The following SLC25A18 variants were observed in gnomAD, a reference collection of about 807,000 sequenced individuals.
SLC25A18 encodes the protein solute carrier family 25 member 18.
A neutral mutation model predicts 31.1 loss-of-function variants in SLC25A18; 24 were observed. The ratio of observed to expected loss-of-function variants is 0.77; its 90% CI spans 0.56 to 1.08. The LOEUF (loss-of-function observed/expected upper bound fraction) is 1.08, where lower values mean the gene tolerates loss of function less well. Among genes scored for constraint, SLC25A18 ranks in the 50% least tolerant of loss-of-function variants. The pLI is 0.00. For synonymous variants in SLC25A18, 173 were observed against 161.9 expected, an observed-to-expected ratio of 1.07 and a Z score of -0.52; for missense variants, 371 against 418.5, an observed-to-expected ratio of 0.89 and a Z score of 0.99.
At chr22:17,574,840 T>TTA (rs2057191955) in intron 2 of SLC25A18, among the ~76,000 whole-genome samples, 1 of 141,520 alleles carries the variant, frequency 7.1e-6, no homozygotes, top group Non-Finnish European at 1.5e-5. Context: ...TTTATTATTA[T>TTA]TATTATTATT....
In SLC25A18 at chr22:17,590,363, A is replaced by C; in HGVS notation, c.*127A>C. ...GTCCTCTGCGTTGTAGTGCTACCTC[A>C]ATCTCGGGAGAAACAGCCCTATATT... On this transcript the variant is annotated 3_prime_UTR_variant, in exon 11 of 11. Coordinates refer to ENST00000327451, the MANE Select transcript of SLC25A18 (RefSeq NM_031481.3). 2 of 1,129,486 alleles carry C rather than the reference A, an allele frequency of 1.8e-6. No individual in the cohort carries two copies. Among genetic ancestry groups the C allele is most frequent in the Non-Finnish European group, 1.3e-6 (1 of 794,816 alleles). The allele number at this position is 1,129,486 out of a possible 1,614,324, so 70.0% of individuals were successfully genotyped here.
At chr22:17,578,274 C>A (rs2057284665) in intron 2 of SLC25A18, among the ~76,000 whole-genome samples, 1 of 152,168 alleles carries the variant, frequency 6.6e-6, no homozygotes, top group Non-Finnish European at 1.5e-5. Context: ...CCCGGCCAAA[C>A]TTAAGTCCTT....
chr22:17,564,260 C>T (rs1052742414), intron 1 of SLC25A18, among the ~76,000 whole-genome samples: 1 of 152,216 alleles, frequency 6.6e-6, no homozygotes, highest in Admixed American at 6.5e-5. Context: ...CCTGATCATT[C>T]TCACTCACAT....
At chr22:17,572,566 G>A (rs2057119972) in intron 2 of SLC25A18, among the ~76,000 whole-genome samples, 1 of 152,014 alleles carries the variant, frequency 6.6e-6, no homozygotes, top group Admixed American at 6.6e-5. Context: ...GGTTGAGGTG[G>A]GATTACTGTT....
chr22:17,581,538 G>A, intron 5 of SLC25A18, 125 bp downstream of exon 5: 1 of 1,062,402 alleles, frequency 9.4e-7, no homozygotes, highest in Non-Finnish European at 1.4e-6. Context: ...TTCCTGATGA[G>A]CCTCTGTGCT....
chr22:17,586,227 C>A (rs1190420727), intron 7 of SLC25A18, among the ~76,000 whole-genome samples: 2 of 152,218 alleles, frequency 1.3e-5, no homozygotes, highest in Non-Finnish European at 2.9e-5. Context: ...GTCTAGAAAT[C>A]ACCTAGGCTG....
chr22:17,583,988 C>A, intron 7 of SLC25A18: 3 of 879,724 alleles, frequency 3.4e-6, no homozygotes, highest in Non-Finnish European at 2.7e-6. Context: ...TTCATCAATG[C>A]TGCCAGCTCT....
At chr22:17,589,747 A>C in intron 10 of SLC25A18, 82 bp downstream of exon 10, 2 of 1,301,286 alleles carry the variant, frequency 1.5e-6, no homozygotes, top group Non-Finnish European at 2.2e-6. Context: ...TTAGAGACCA[A>C]CTTGAATTGC....
chr22:17,566,452 G>C (rs539413450), intron 1 of SLC25A18, among the ~76,000 whole-genome samples: 6 of 150,618 alleles, frequency 4.0e-5, no homozygotes, highest in African/African-American at 1.5e-4. Context: ...CGCTCTTGTT[G>C]CCCAAGCTGG....
rs2057574644 is a variant in SLC25A18, at chr22:17,587,190, C to A, written c.464C>A (p.Thr155Asn). Residue 155 changes from threonine to asparagine, a missense_variant, in exon 8 of 11, where the codon ACT becomes AAT. Physicochemically the swap from Thr to Asn is moderately conservative, Grantham distance 65 (BLOSUM62 0). Coordinates refer to ENST00000327451, the MANE Select transcript of SLC25A18 (RefSeq NM_031481.3). ...CCCTCCACCTCCAGGTCCTACACAA[C>A]TGGTTCGGCTTCCACCCACAGGCGC... ...SAPSTSRSYT[T>N]GSASTHRRPS... 6.2e-7 allele frequency: 1 copy of A among 1,614,072 alleles called. No homozygotes were observed. The highest frequency in any genetic ancestry group is 1.3e-5 in the African/African-American group (1 of 74,932).
intron 7 of SLC25A18, among the ~76,000 whole-genome samples, chr22:17,584,912 ATTCTT>A (rs537620014): frequency 1.1e-4 from 17 of 151,644 alleles, no homozygotes; most frequent in Middle Eastern, 3.4e-3. Context: ...AATCATTCCC[ATTCTT>A]TTGTTTTTTT....
At chr22:17,577,187 C>T (rs695817) in intron 2 of SLC25A18, among the ~76,000 whole-genome samples, 23,476 of 152,068 alleles carry the variant, frequency 0.15, 2,384 homozygotes, top group East Asian at 0.48. Context: ...CACACCCGGC[C>T]AATTTTTTGT....
intron 7 of SLC25A18, chr22:17,583,976 A>T (rs917124977): frequency 2.5e-6 from 2 of 805,276 alleles, no homozygotes; most frequent in East Asian, 1.3e-4. Flanking sequence ...ATGGTTACCC[A>T]TTTCATCAAT....
chr22:17,582,624 C>G lies in SLC25A18; in HGVS notation c.261C>G (p.Asp87Glu), dbSNP rs764889400. 2.5e-6 allele frequency: 4 copies of G among 1,604,686 alleles called. No individual in the cohort carries two copies. The highest frequency in any genetic ancestry group is 1.1e-5 in the South Asian group (1 of 89,136). The change falls in exon 6 of 11, where the codon GAC becomes GAG. Residue 87 changes from aspartate to glutamate, a missense_variant. Asp to Glu is a conservative substitution (Grantham distance 45, BLOSUM62 2). Coordinates refer to ENST00000327451, the MANE Select transcript of SLC25A18 (RefSeq NM_031481.3). ...AGGCCATCAAGCTGGCGGCCAACGACTTTTTCCGGCGGCTGCTCATGGAAG... is the reference window on the plus strand; with the variant it reads ...AGGCCATCAAGCTGGCGGCCAACGAGTTTTTCCGGCGGCTGCTCATGGAAG... Reference protein sequence around the residue: ...PEKAIKLAANDFFRRLLMEDG... With the variant: ...PEKAIKLAANEFFRRLLMEDG...
chr22:17,564,006 G>C (rs1413797164), intron 1 of SLC25A18, among the ~76,000 whole-genome samples: 2 of 152,336 alleles, frequency 1.3e-5, no homozygotes, highest in East Asian at 3.9e-4. Context: ...GGGCTCATCA[G>C]TTTGGGGACT....
intron 7 of SLC25A18, among the ~76,000 whole-genome samples, chr22:17,584,446 G>GGAAGGA (rs1205165235): frequency 1.5e-4 from 18 of 116,936 alleles, no homozygotes; most frequent in East Asian, 7.2e-4. Context: ...AAGGAAGGAA[G>GGAAGGA]GAGAGAGAGA....
At chr22:17,574,047 T>C (rs1043793318) in intron 2 of SLC25A18, among the ~76,000 whole-genome samples, 3 of 152,190 alleles carry the variant, frequency 2.0e-5, no homozygotes, top group Admixed American at 6.5e-5. Flanking sequence ...CTGGGCAACA[T>C]GGCAAAACCC....
intron 10 of SLC25A18, 49 bp downstream of exon 10, chr22:17,589,714 G>A (rs756914657): frequency 5.4e-5 from 85 of 1,565,490 alleles, no homozygotes; most frequent in East Asian, 1.8e-4. Context: ...GTTCCTCTGC[G>A]TGGGTGTCTG....
At chr22:17,567,784 G>A (rs1238778906) in intron 1 of SLC25A18, among the ~76,000 whole-genome samples, 1 of 149,912 alleles carries the variant, frequency 6.7e-6, no homozygotes, top group Admixed American at 6.8e-5. Flanking sequence ...AAGCAGCATT[G>A]AGTTCACAAC....
Sources: gnomAD v4.1 joint callset for allele counts (sites outside exome capture counted in the v4.1 genomes callset) on GRCh38, gnomAD v4.1.1 for gene constraint, MANE v1.5 for transcripts, NCBI Gene and HGNC (gene_info 2026-07-23, HGNC 2026-07-21) for gene names.